Variants in KIF6 observed in about 807,000 individuals in gnomAD.
KIF6 encodes the protein kinesin family member 6, also known as kinesin-like protein KIF6.
Under a neutral mutation model 112.7 loss-of-function variants are expected in KIF6, and 106 were observed. That is an observed-to-expected ratio of 0.94 (90% CI 0.80 to 1.11). KIF6 has a LOEUF of 1.11. Ranked by LOEUF, KIF6 falls within the 50% of genes least tolerant of loss-of-function variation. The pLI, the probability that KIF6 is intolerant of heterozygous loss-of-function variation, is 0.00. For missense variants in KIF6, 929 were observed against 964.0 expected (o/e 0.96, Z 0.48); for synonymous variants, 339 against 339.9 (o/e 1.00, Z 0.03).
chr6:39,644,783 T>C (rs191277908), intron 3 of KIF6, among the ~76,000 whole-genome samples: 18 of 152,272 alleles, frequency 1.2e-4, no homozygotes, highest in Middle Eastern at 3.4e-3. Flanking sequence ...ACAACTAAAT[T>C]GCATGCTTTA....
chr6:39,551,350 G>A (rs1029502108), intron 10 of KIF6, among the ~76,000 whole-genome samples: 1 of 152,246 alleles, frequency 6.6e-6, no homozygotes, highest in Non-Finnish European at 1.5e-5. Context: ...GAAGAGTAGT[G>A]GGGAGAGAGA....
chr6:39,523,645 CATATATATAT>C (rs56952665), intron 13 of KIF6, among the ~76,000 whole-genome samples: 1,664 of 32,210 alleles, frequency 0.052, 35 homozygotes, highest in Non-Finnish European at 0.069. Flanking sequence ...TTAATTCTGC[CATATATATAT>C]ATATATATAT....
Position 39,345,790 on chromosome 6 carries a change from C to T in KIF6, c.2232-1G>A. 6.2e-7 allele frequency: 1 copy of T among 1,611,778 alleles called. No homozygotes were observed. Among genetic ancestry groups the T allele is most frequent in the Non-Finnish European group, 8.5e-7 (1 of 1,178,560 alleles). On this transcript the variant is annotated splice_acceptor_variant, in intron 20 of 22. Coordinates refer to ENST00000287152, the MANE Select transcript of KIF6 (RefSeq NM_145027.6). LOFTEE classifies it high-confidence loss of function. ...CAGGATTTTCCTGGCATTCACATCA[C>T]TGCAAAACACAAACAAACAAAAGCA...
chr6:39,618,038 T>C (rs1466502132), intron 5 of KIF6, among the ~76,000 whole-genome samples: 1 of 152,216 alleles, frequency 6.6e-6, no homozygotes, highest in Non-Finnish European at 1.5e-5. Flanking sequence ...GACCCCTCCT[T>C]TCTGCATTTA....
chr6:39,654,671 T>C (rs1561901661), intron 3 of KIF6, among the ~76,000 whole-genome samples: 3 of 152,228 alleles, frequency 2.0e-5, no homozygotes, highest in East Asian at 3.8e-4. Flanking sequence ...CCTCCAACTT[T>C]CACCATAGTT....
chr6:39,594,557 G>A (rs1359278710), intron 7 of KIF6, among the ~76,000 whole-genome samples: 6 of 152,130 alleles, frequency 3.9e-5, no homozygotes, highest in African/African-American at 1.4e-4. Flanking sequence ...TAATCTCTTG[G>A]TGCTGCCTGA....
intron 15 of KIF6, among the ~76,000 whole-genome samples, chr6:39,418,062 C>CT (rs1304205839): frequency 8.9e-5 from 1 of 11,206 alleles, no homozygotes; most frequent in Non-Finnish European, 5.6e-4. Context: ...GACTGGGATG[C>CT]CCCCCAGCAG....
chr6:39,719,912 G>T (rs1790103837), intron 2 of KIF6, among the ~76,000 whole-genome samples: 1 of 152,128 alleles, frequency 6.6e-6, no homozygotes, highest in Non-Finnish European at 1.5e-5. Flanking sequence ...GAGCCCAGCA[G>T]TTCAAGGCCA....
At chr6:39,511,798 T>C (rs769787062) in intron 13 of KIF6, among the ~76,000 whole-genome samples, 1 of 152,196 alleles carries the variant, frequency 6.6e-6, no homozygotes, top group Non-Finnish European at 1.5e-5. Flanking sequence ...TGAAGGAACA[T>C]AGATGAAGCT....
chr6:39,351,388 G>A (rs991631877), intron 19 of KIF6, among the ~76,000 whole-genome samples: 4 of 151,868 alleles, frequency 2.6e-5, no homozygotes, highest in Non-Finnish European at 4.4e-5. Context: ...GTGCCACCAC[G>A]CCCGGCTATG....
At chr6:39,547,704 T>G (rs1779138539) in intron 10 of KIF6, among the ~76,000 whole-genome samples, 2 of 152,228 alleles carry the variant, frequency 1.3e-5, no homozygotes, top group Non-Finnish European at 2.9e-5. Flanking sequence ...AAAAATGAGA[T>G]CATAGTCTGA....
intron 15 of KIF6, among the ~76,000 whole-genome samples, chr6:39,418,987 C>T (rs1770138567): frequency 6.6e-6 from 1 of 151,840 alleles, no homozygotes; most frequent in Non-Finnish European, 1.5e-5. Flanking sequence ...GTGAAGCTGC[C>T]CTGGGCCTGG....
chr6:39,675,700 T>A (rs1787093702), intron 3 of KIF6, among the ~76,000 whole-genome samples: 1 of 151,988 alleles, frequency 6.6e-6, no homozygotes, highest in African/African-American at 2.4e-5. Flanking sequence ...ATAGACATGT[T>A]TAAAATTATT....
intron 13 of KIF6, among the ~76,000 whole-genome samples, chr6:39,487,458 C>G (rs1484904222): frequency 1.3e-5 from 2 of 152,174 alleles, no homozygotes; most frequent in Non-Finnish European, 2.9e-5. Context: ...GGAAGGCCAC[C>G]CTTTAGCTTT....
chr6:39,376,452 G>A (rs574260476), intron 16 of KIF6, among the ~76,000 whole-genome samples: 21 of 152,316 alleles, frequency 1.4e-4, no homozygotes, highest in Non-Finnish European at 1.8e-4. Context: ...AACTGTGCCC[G>A]GCACTGGGCT....
intron 3 of KIF6, among the ~76,000 whole-genome samples, chr6:39,658,842 T>C (rs897298844): frequency 6.6e-6 from 1 of 152,186 alleles, no homozygotes; most frequent in Non-Finnish European, 1.5e-5. Context: ...CCTACTTGAA[T>C]GCACAAAAAA....
rs1466169135 is a variant in KIF6, at chr6:39,336,173, CATT to C, written c.*356_*358del. 3.8e-5 allele frequency: 8 copies of C among 208,908 alleles called. No individual in the cohort carries two copies. The highest frequency in any genetic ancestry group is 6.0e-5 in the Admixed American group (1 of 16,730). The allele number at this position is 208,908 out of a possible 1,614,324, so 12.9% of individuals were successfully genotyped here. On this transcript the variant is annotated 3_prime_UTR_variant, in exon 23 of 23. Transcript: ENST00000287152. Reference sequence around the variant, plus strand: ...TTCCACTGGTGTGAGCATCCTCTGACATTATATTTTGATGGTGCTATTTCACAT... The same window carrying C: ...TTCCACTGGTGTGAGCATCCTCTGACATATTTTGATGGTGCTATTTCACAT...
chr6:39,475,585 T>C (rs549096060), intron 13 of KIF6, among the ~76,000 whole-genome samples: 1 of 152,328 alleles, frequency 6.6e-6, no homozygotes, highest in East Asian at 1.9e-4. Context: ...TACCTTCTCA[T>C]TCTTCTTTGC....
chr6:39,713,967 T>C (rs576453154), intron 3 of KIF6, among the ~76,000 whole-genome samples: 49 of 152,334 alleles, frequency 3.2e-4, no homozygotes, highest in African/African-American at 1.1e-3. Flanking sequence ...ACTGTAAAGA[T>C]GAATGTGTCT....
Sources: allele counts gnomAD v4.1 joint callset (sites outside exome capture counted in the v4.1 genomes callset), GRCh38; gene constraint gnomAD v4.1.1; transcripts MANE v1.5; gene names NCBI Gene and HGNC (gene_info 2026-07-23, HGNC 2026-07-21).